The following OTUD7A variants were observed in gnomAD, a reference collection of about 807,000 sequenced individuals.
OTUD7A encodes the protein OTU deubiquitinase 7A.
Under a neutral mutation model 65.7 loss-of-function variants are expected in OTUD7A, and 12 were observed. That is an observed-to-expected ratio of 0.18 (90% CI 0.12 to 0.30). The LOEUF (loss-of-function observed/expected upper bound fraction) is 0.30. OTUD7A is among the 10% of genes least tolerant of loss of function. The probability of loss-of-function intolerance (pLI) is 1.00; values close to 1 mark genes in which losing one functional copy is unlikely to be tolerated. For synonymous variants in OTUD7A, 641 were observed against 586.3 expected (o/e 1.09, Z -1.35); for missense variants, 1,148 against 1,304.8 (o/e 0.88, Z 1.85).
At chr15:31,786,666 C>T in intron 1 of OTUD7A, among the ~76,000 whole-genome samples, 1 of 152,100 alleles carries the variant, frequency 6.6e-6, no homozygotes, top group East Asian at 1.9e-4. Context: ...AGAGAGGTGT[C>T]CCTAAGAAGG....
chr15:31,610,440 C>T (rs183688116), intron 3 of OTUD7A, among the ~76,000 whole-genome samples: 94 of 151,680 alleles, frequency 6.2e-4, no homozygotes, highest in African/African-American at 2.2e-3. Context: ...TTAAACTATA[C>T]CTTAGAACAA....
chr15:31,722,528 G>T (rs1292904389), intron 1 of OTUD7A, among the ~76,000 whole-genome samples: 1 of 152,246 alleles, frequency 6.6e-6, no homozygotes, highest in Non-Finnish European at 1.5e-5. Context: ...CACGTGGCAT[G>T]GAGTGACAGT....
In OTUD7A at chr15:31,570,096, TGG is replaced by T; in HGVS notation, c.251_252del (p.Pro84GlnfsTer52). 6 of 1,614,206 alleles carry T rather than the reference TGG, an allele frequency of 3.7e-6. No homozygotes were observed. Among genetic ancestry groups the T allele is most frequent in the Non-Finnish European group, 5.1e-6 (6 of 1,180,026 alleles). The stretch of plus-strand genomic sequence containing the variant: ...GGCTGTGGCTCTCGCTCTGGCTGCT[TGG>T]GACCCCGCCCTTCATTGAACACATG... The part of the protein sequence containing the change: ...LPHVFNEGRG[P>X]KQPEREPQPG... On this transcript the variant is annotated frameshift_variant, in exon 4 of 13. Transcript: ENST00000307050. LOFTEE classifies it high-confidence loss of function.
At chr15:31,863,513 C>T (rs1417919791) in intron 1 of OTUD7A, among the ~76,000 whole-genome samples, 1 of 152,224 alleles carries the variant, frequency 6.6e-6, no homozygotes, top group African/African-American at 2.4e-5. Context: ...CTCAACAGCA[C>T]CTGGAAGCTG....
intron 1 of OTUD7A, among the ~76,000 whole-genome samples, chr15:31,844,079 CAG>C (rs777052312): frequency 1.3e-5 from 2 of 152,238 alleles, no homozygotes; most frequent in Non-Finnish European, 2.9e-5. Context: ...ATTTGAAAAT[CAG>C]GGGGAAAGAG....
intron 1 of OTUD7A, among the ~76,000 whole-genome samples, chr15:31,658,180 GTTA>G (rs1330891873): frequency 5.3e-5 from 8 of 152,250 alleles, no homozygotes; most frequent in Admixed American, 3.3e-4. Context: ...GTATCTCACA[GTTA>G]TTATGAAATT....
chr15:31,755,028 T>C (rs1894770711), intron 1 of OTUD7A, among the ~76,000 whole-genome samples: 1 of 151,310 alleles, frequency 6.6e-6, no homozygotes, highest in African/African-American at 2.4e-5. Flanking sequence ...AGATGGTGTG[T>C]GTGTGTGATT....
intron 1 of OTUD7A, among the ~76,000 whole-genome samples, chr15:31,697,742 C>T (rs1325991394): frequency 6.6e-6 from 1 of 152,244 alleles, no homozygotes; most frequent in Admixed American, 6.5e-5. Context: ...GACCACCTGT[C>T]CTGAGCCCAG....
intron 1 of OTUD7A, among the ~76,000 whole-genome samples, chr15:31,743,068 A>G (rs1894385541): frequency 6.6e-6 from 1 of 152,186 alleles, no homozygotes; most frequent in Non-Finnish European, 1.5e-5. Context: ...AAAGGCACGG[A>G]TATAGAAGAC....
intron 1 of OTUD7A, among the ~76,000 whole-genome samples, chr15:31,847,171 G>C (rs1897312051): frequency 6.6e-6 from 1 of 152,210 alleles, no homozygotes; most frequent in African/African-American, 2.4e-5. Context: ...GGCTGCAGTG[G>C]ACCCTTTCCA....
rs536748547 is a variant in OTUD7A at position 31,597,562 on chromosome 15, G to T, written c.152-27365C>A. On this transcript the variant is annotated intron_variant, in intron 3 of 12. Coordinates refer to ENST00000307050, the MANE Select transcript of OTUD7A (RefSeq NM_001382637.1). ...TTTCTTCCCCTTGCCCTTGGTGCAG[G>T]CCTCTCTCTGGACTCCATCCTGTTC... is the stretch of plus-strand genomic sequence containing the variant. 5.7e-4 allele frequency among the ~76,000 whole-genome samples: 86 copies of T among 151,668 alleles called. 1 individual carries two copies. The South Asian group carries it at 0.017, about 30-fold the overall frequency.
At chr15:31,585,743 T>A (rs1308059777) in intron 3 of OTUD7A, among the ~76,000 whole-genome samples, 1 of 152,172 alleles carries the variant, frequency 6.6e-6, no homozygotes, top group Non-Finnish European at 1.5e-5. Flanking sequence ...TGTATACATA[T>A]ATGTGTATAC....
chr15:31,821,022 C>T (rs1452405720), intron 1 of OTUD7A, among the ~76,000 whole-genome samples: 1 of 151,810 alleles, frequency 6.6e-6, no homozygotes, highest in East Asian at 1.9e-4. Flanking sequence ...TTTGCCTATT[C>T]TGGGCATTAT....
At chr15:31,647,769 A>G (rs1351267171) in intron 3 of OTUD7A, among the ~76,000 whole-genome samples, 1 of 152,038 alleles carries the variant, frequency 6.6e-6, no homozygotes, top group Non-Finnish European at 1.5e-5. Flanking sequence ...AGGGACTCAT[A>G]CGTGCTGGGT....
At chr15:31,667,750 G>C (rs1306066259) in intron 1 of OTUD7A, among the ~76,000 whole-genome samples, 1 of 152,078 alleles carries the variant, frequency 6.6e-6, no homozygotes, top group Admixed American at 6.6e-5. Context: ...TAGGTCCCGT[G>C]TGATTTATGC....
intron 1 of OTUD7A, among the ~76,000 whole-genome samples, chr15:31,805,930 TG>T (rs1431021534): frequency 6.6e-6 from 1 of 152,244 alleles, no homozygotes; most frequent in East Asian, 1.9e-4. Flanking sequence ...ACTGTGGTTT[TG>T]CAAAACATCC....
chr15:31,856,235 T>C (rs973112333), intron 1 of OTUD7A, among the ~76,000 whole-genome samples: 13 of 152,238 alleles, frequency 8.5e-5, no homozygotes, highest in South Asian at 2.1e-4. Context: ...TATGTTCCTA[T>C]GTGTTTAATA....
chr15:31,840,596 T>G (rs1481492261), intron 1 of OTUD7A, among the ~76,000 whole-genome samples: 1 of 152,226 alleles, frequency 6.6e-6, no homozygotes, highest in Non-Finnish European at 1.5e-5. Context: ...TGAAGTTAAC[T>G]GGACTGTTTT....
intron 1 of OTUD7A, among the ~76,000 whole-genome samples, chr15:31,734,519 G>A (rs111333963): frequency 8.5e-5 from 13 of 152,194 alleles, no homozygotes; most frequent in South Asian, 4.1e-4. Flanking sequence ...ACAGGGCTAC[G>A]GTAGCCAAAA....
Sources: gnomAD v4.1 joint callset for allele counts (sites outside exome capture counted in the v4.1 genomes callset) on GRCh38, gnomAD v4.1.1 for gene constraint, MANE v1.5 for transcripts, NCBI Gene and HGNC (gene_info 2026-07-23, HGNC 2026-07-21) for gene names.